The following CCNB1IP1 variants were observed in gnomAD, a reference collection of about 807,000 sequenced individuals.
CCNB1IP1 encodes E3 ubiquitin-protein ligase CCNB1IP1.
In CCNB1IP1, 14 loss-of-function variants were observed where a neutral mutation model predicts 25.6. That is an observed-to-expected ratio of 0.55 (90% CI 0.36 to 0.85). The LOEUF is 0.85. Among genes scored for constraint, CCNB1IP1 ranks in the 40% least tolerant of loss-of-function variants. CCNB1IP1 has a pLI of 0.01. For missense variants in CCNB1IP1, 278 were observed against 342.4 expected (o/e 0.81, Z 1.48); for synonymous variants, 119 against 116.1 (o/e 1.02, Z -0.16).
At chr14:20,313,432 T>A (rs760485885) in intron 6 of CCNB1IP1, 36 bp downstream of exon 6, 2 of 1,485,594 alleles carry the variant, frequency 1.3e-6, no homozygotes, top group Non-Finnish European at 1.8e-6. Flanking sequence ...AATCATTGAT[T>A]TAAAGAACAG....
Position 20,316,451 on chromosome 14 carries a change from C to T in CCNB1IP1, c.73G>A (p.Val25Ile). 6.2e-7 allele frequency: 1 copy of T among 1,613,788 alleles called. No individual in the cohort carries two copies. The part of the protein sequence containing the change: ...CRIKLSGYAW[V>I]TACSHIFCDQ... Reference sequence around the variant, plus strand: ...CAGAAGATGTGAGAGCAGGCAGTGACCCATGCATAGCCAGAGAGTTTGATG... The same window carrying T: ...CAGAAGATGTGAGAGCAGGCAGTGATCCATGCATAGCCAGAGAGTTTGATG... The change falls in exon 5 of 7, where the codon GTC becomes ATC. Residue 25 changes from valine (V) to isoleucine (I), a missense_variant. By Grantham distance (29) the Val-to-Ile change is conservative. Coordinates refer to ENST00000358932, the MANE Select transcript of CCNB1IP1 (RefSeq NM_021178.5).
chr14:20,319,349 A>C (rs1254596327), intron 4 of CCNB1IP1, among the ~76,000 whole-genome samples: 1 of 152,266 alleles, frequency 6.6e-6, no homozygotes. Context: ...GTTCCAAAAA[A>C]AGGAGATCTT....
In CCNB1IP1 at chr14:20,311,720, G is replaced by C; in HGVS notation, c.664C>G (p.Pro222Ala). 6.2e-7 allele frequency: 1 copy of C among 1,613,976 alleles called. No individual in the cohort carries two copies. The highest frequency in any genetic ancestry group is 8.5e-7 in the Non-Finnish European group (1 of 1,180,006). The change falls in exon 7 of 7, where the codon CCT (proline) becomes GCT (alanine). Residue 222 changes from proline to alanine, a missense_variant. By Grantham distance (27) the Pro-to-Ala change is conservative. Transcript: ENST00000358932. ...NNSKFPLDNT[P>A]VRNRGDGDGD... is the part of the protein sequence containing the mutation. ...TCTCCATCGCCCCGATTTCGAACAGGTGTATTATCCAAAGGAAACTTGGAG... is the reference window on the plus strand; with the variant it reads ...TCTCCATCGCCCCGATTTCGAACAGCTGTATTATCCAAAGGAAACTTGGAG...
chr14:20,320,061 G>A (rs1249633205), intron 4 of CCNB1IP1, among the ~76,000 whole-genome samples: 1 of 152,142 alleles, frequency 6.6e-6, no homozygotes, highest in Non-Finnish European at 1.5e-5. Context: ...TGATTTGCCT[G>A]TTCATGTCCT....
chr14:20,323,629 A>T (rs993223365), intron 4 of CCNB1IP1, among the ~76,000 whole-genome samples: 11 of 152,016 alleles, frequency 7.2e-5, no homozygotes, highest in Non-Finnish European at 1.5e-5. Flanking sequence ...GAATCATTAC[A>T]TCTAAGTAAG....
Position 20,332,084 on chromosome 14 carries a change from G to T in CCNB1IP1, c.-431+1170C>A, listed in dbSNP as rs534918130. On this transcript the variant is annotated intron_variant, in intron 1 of 6. Coordinates refer to ENST00000358932, the MANE Select transcript of CCNB1IP1 (RefSeq NM_021178.5). ...AGTTTCGCTCTTGTTGCCCAGGCTG[G>T]AGTGCAATGGCGCGATCTCGGCTCA... Among the ~76,000 whole-genome samples the T allele has an allele frequency of 9.3e-3, 1,071 of 114,676 alleles. 8 individuals are homozygous for T. Among genetic ancestry groups the T allele is most frequent in the Non-Finnish European group, 0.015 (852 of 56,584 alleles). 75.2% of individuals were successfully genotyped at this position (114,676 alleles called of 152,430 possible). A position where few individuals can be genotyped will look rare whatever the true frequency, so the allele number is the denominator to read the frequency against.
In CCNB1IP1 at chr14:20,325,606, T is replaced by A. The variant is rs1240377431; in HGVS notation, c.-105A>T. 6.6e-6 allele frequency: 1 copy of A among 152,142 alleles called. No individual in the cohort carries two copies. The highest frequency in any genetic ancestry group is 1.9e-4 in the East Asian group (1 of 5,190). The allele number at this position is 152,142 out of a possible 1,614,324, so 9.4% of individuals were successfully genotyped here. On this transcript the variant is annotated 5_prime_UTR_variant, in exon 4 of 7. Coordinates refer to ENST00000358932, the MANE Select transcript of CCNB1IP1 (RefSeq NM_021178.5). ...TTTACAGCACCAAAGAGGTCCAGACTGGAACAGCGAAACTCAGATCTGGTT... is the reference window on the plus strand; with the variant it reads ...TTTACAGCACCAAAGAGGTCCAGACAGGAACAGCGAAACTCAGATCTGGTT...
In CCNB1IP1 at chr14:20,325,521, T is replaced by C. The variant is rs1382110419; in HGVS notation, c.-38+18A>G. Reference sequence around the variant, plus strand: ...TCATATATATGGCAAAGCTTCTCAATCTCAACGTAAGCCTTACCATAAAAG... The same window carrying C: ...TCATATATATGGCAAAGCTTCTCAACCTCAACGTAAGCCTTACCATAAAAG... On this transcript the variant is annotated intron_variant, in intron 4 of 6. Transcript: ENST00000358932. 1 of 151,708 alleles carries C rather than the reference T, an allele frequency of 6.6e-6. No homozygotes were observed. The highest frequency in any genetic ancestry group is 2.4e-5 in the African/African-American group (1 of 41,274). The allele number at this position is 151,708 out of a possible 1,614,324, so 9.4% of individuals were successfully genotyped here.
At chr14:20,327,855 A>G (rs1274129963) in intron 2 of CCNB1IP1, among the ~76,000 whole-genome samples, 5 of 152,216 alleles carry the variant, frequency 3.3e-5, no homozygotes, top group Middle Eastern at 3.2e-3. Context: ...GGCTTCATGA[A>G]GCAAAAAGAG....
At chr14:20,314,439 T>A (rs1222739233) in intron 5 of CCNB1IP1, 1 of 152,238 alleles carries the variant, frequency 6.6e-6, no homozygotes, top group African/African-American at 2.4e-5. Context: ...ACAGATCTTA[T>A]ACTTTTCACA....
chr14:20,311,705 C>A lies in CCNB1IP1; in HGVS notation c.679G>T (p.Gly227Cys). The A allele has an allele frequency of 6.2e-7, 1 of 1,614,000 alleles. No individual in the cohort carries two copies. Among genetic ancestry groups the A allele is most frequent in the Non-Finnish European group, 8.5e-7 (1 of 1,180,002 alleles). ...AACTGAAAATCTCCATCTCCATCGC[C>A]CCGATTTCGAACAGGTGTATTATCC... ...PLDNTPVRNR[G>C]DGDGDFQFRP... Residue 227 changes from glycine (G) to cysteine (C), a missense_variant, in exon 7 of 7, where the codon GGC becomes TGC. By Grantham distance (159) the Gly-to-Cys change is radical. Transcript: ENST00000358932.
intron 5 of CCNB1IP1, among the ~76,000 whole-genome samples, chr14:20,314,862 T>G (rs1473178927): frequency 6.6e-6 from 1 of 150,700 alleles, no homozygotes; most frequent in African/African-American, 2.4e-5. Context: ...GAGGCAGAGG[T>G]GGGCGGATCA....
chr14:20,331,114 A>C (rs1024951505), intron 1 of CCNB1IP1, among the ~76,000 whole-genome samples: 1 of 152,182 alleles, frequency 6.6e-6, no homozygotes, highest in East Asian at 1.9e-4. Flanking sequence ...TTTATTTTGC[A>C]TGTTTACATC....
At position 20,326,477 on chromosome 14, in the gene CCNB1IP1, G is replaced by C. The variant is rs778741005; in HGVS notation, c.-153+239C>G. The C allele has an allele frequency of 7.5e-6, 4 of 534,560 alleles. No homozygotes were observed. The African/African-American group carries it at 7.7e-5, about 10-fold the overall frequency. 33.1% of individuals were successfully genotyped at this position (534,560 alleles called of 1,614,324 possible). ...TCTGCTCAGAGCATGTGTTTAATCA[G>C]GCTGATCAGCTGAAACACGGACTTA... On this transcript the variant is annotated intron_variant, in intron 3 of 6. Transcript: ENST00000358932.
At chr14:20,324,951 A>C (rs770834204) in intron 4 of CCNB1IP1, among the ~76,000 whole-genome samples, 1 of 152,072 alleles carries the variant, frequency 6.6e-6, no homozygotes, top group African/African-American at 2.4e-5. Context: ...CTGGGACTAC[A>C]GGCGCACACC....
chr14:20,321,945 G>A (rs1882908917), intron 4 of CCNB1IP1, among the ~76,000 whole-genome samples: 1 of 152,130 alleles, frequency 6.6e-6, no homozygotes, highest in Non-Finnish European at 1.5e-5. Flanking sequence ...CAGCATATAG[G>A]ACAGTATACT....
At chr14:20,321,984 C>T (rs1428249600) in intron 4 of CCNB1IP1, among the ~76,000 whole-genome samples, 2 of 152,166 alleles carry the variant, frequency 1.3e-5, no homozygotes, top group African/African-American at 4.8e-5. Flanking sequence ...AATATTTCAA[C>T]ATGAAGCAGA....
chr14:20,320,724 G>C (rs995579855), intron 4 of CCNB1IP1, among the ~76,000 whole-genome samples: 17 of 149,818 alleles, frequency 1.1e-4, no homozygotes, highest in African/African-American at 3.7e-4. Flanking sequence ...AGAATAGCCT[G>C]AACCCGGGAG....
chr14:20,313,598 G>A lies in CCNB1IP1; in HGVS notation c.501C>T (p.Arg167=). Residue 167 remains arginine, a synonymous_variant, in exon 6 of 7, where the codon CGC becomes CGT. Transcript: ENST00000358932. ...CTTGGAGCTTTTGATACTGACGATT[G>A]CGCTCCATAAGTTTCTCAGAGATGT... is the stretch of plus-strand genomic sequence containing the variant. ...FSDISEKLME[R]NRQYQKLQGL... The A allele has an allele frequency of 1.9e-6, 3 of 1,614,176 alleles. No individual in the cohort carries two copies. Among genetic ancestry groups the A allele is most frequent in the Non-Finnish European group, 2.5e-6 (3 of 1,180,022 alleles).
Sources: allele counts gnomAD v4.1 joint callset (sites outside exome capture counted in the v4.1 genomes callset), GRCh38; gene constraint gnomAD v4.1.1; transcripts MANE v1.5; gene names NCBI Gene and HGNC (gene_info 2026-07-23, HGNC 2026-07-21).